Variants in SNX3 observed in about 807,000 individuals in gnomAD.
SNX3 encodes sorting nexin 3, also known as sorting nexin-3.
A neutral mutation model predicts 17.7 loss-of-function variants in SNX3; 5 were observed. That is an observed-to-expected ratio of 0.28 (90% CI 0.15 to 0.59). The LOEUF (loss-of-function observed/expected upper bound fraction) is 0.59, where lower values mean the gene tolerates loss of function less well. Ranked by LOEUF, SNX3 falls within the 20% of genes least tolerant of loss-of-function variation. The probability of loss-of-function intolerance (pLI) is 0.88; values close to 1 mark genes in which losing one functional copy is unlikely to be tolerated. For synonymous variants in SNX3, 91 were observed against 76.5 expected (o/e 1.19, Z -0.99); for missense variants, 132 against 206.8 (o/e 0.64, Z 2.22).
At chr6:108,260,721 C>T in intron 1 of SNX3, 39 bp downstream of exon 1, 2 of 1,611,108 alleles carry the variant, frequency 1.2e-6, no homozygotes, top group Non-Finnish European at 1.7e-6. Context: ...CCAGAGCCAG[C>T]GGGAGGGGTT....
Position 108,260,805 on chromosome 6 carries a change from C to T in SNX3, c.117G>A (p.Val39=). 6.2e-7 allele frequency: 1 copy of T among 1,613,948 alleles called. No homozygotes were observed. Among genetic ancestry groups the T allele is most frequent in the Non-Finnish European group, 8.5e-7 (1 of 1,179,868 alleles). Residue 39 remains valine, a synonymous_variant, in exon 1 of 4, where the codon GTG becomes GTA. Coordinates refer to ENST00000230085, the MANE Select transcript of SNX3 (RefSeq NM_003795.6). ...LEIDVSNPQT[V]GVGRGRFTTY... The stretch of plus-strand genomic sequence containing the variant: ...TGGTGAAGCGGCCCCGGCCGACCCC[C>T]ACCGTTTGCGGGTTGCTCACATCGA...
chr6:108,238,128 A>G (rs893319239), intron 1 of SNX3, among the ~76,000 whole-genome samples: 1 of 151,168 alleles, frequency 6.6e-6, no homozygotes, highest in African/African-American at 2.4e-5. Context: ...AAACAAACAA[A>G]AAAAGAATCA....
chr6:108,234,476 A>C (rs1775263856), intron 1 of SNX3, among the ~76,000 whole-genome samples: 1 of 152,020 alleles, frequency 6.6e-6, no homozygotes, highest in South Asian at 2.1e-4. Flanking sequence ...GCTTGAACCC[A>C]AGAGGCGGAG....
chr6:108,214,385 GA>G (rs906933110), intron 3 of SNX3, 112 bp downstream of exon 3: 1 of 1,003,364 alleles, frequency 1.0e-6, no homozygotes, highest in African/African-American at 1.6e-5. Flanking sequence ...TAAATGATAT[GA>G]AAAGTTAGGA....
At chr6:108,240,200 A>C (rs1251165061) in intron 1 of SNX3, among the ~76,000 whole-genome samples, 1 of 152,156 alleles carries the variant, frequency 6.6e-6, no homozygotes, top group Non-Finnish European at 1.5e-5. Context: ...TGAAGAGCAG[A>C]AGTCTGTGTG....
At chr6:108,227,653 G>C (rs10484901) in intron 1 of SNX3, among the ~76,000 whole-genome samples, 7,885 of 152,126 alleles carry the variant, frequency 0.052, 377 homozygotes, top group Admixed American at 0.15. Flanking sequence ...TTCTCTTTTT[G>C]CATGAGGACT....
chr6:108,219,549 T>C (rs950172502), intron 2 of SNX3, among the ~76,000 whole-genome samples: 5 of 152,170 alleles, frequency 3.3e-5, no homozygotes, highest in African/African-American at 1.2e-4. Flanking sequence ...TGGAGGATAT[T>C]ATAGTATGCT....
At chr6:108,247,358 G>A (rs751791163) in intron 1 of SNX3, among the ~76,000 whole-genome samples, 6 of 151,878 alleles carry the variant, frequency 4.0e-5, no homozygotes, top group Non-Finnish European at 7.4e-5. Context: ...TGATGAAGTG[G>A]TCAATATCTA....
intron 1 of SNX3, among the ~76,000 whole-genome samples, chr6:108,232,521 T>C (rs910025454): frequency 3.9e-5 from 6 of 152,106 alleles, no homozygotes; most frequent in Non-Finnish European, 4.4e-5. Context: ...TTATCACTGA[T>C]AGCCAAGCAG....
rs1366395007 is a variant in SNX3 at position 108,237,405 on chromosome 6, C to A, written c.163-14360G>T. 3.9e-5 allele frequency among the ~76,000 whole-genome samples: 6 copies of A among 152,138 alleles called. No individual in the cohort carries two copies. The East Asian group carries it at 1.2e-3, about 29-fold the overall frequency. ...ATGGTAAGATTTTAAACCATGATAT[C>A]TATAAATATTGATTATGGCAGCTCA... On this transcript the variant is annotated intron_variant, in intron 1 of 3. Coordinates refer to ENST00000230085, the MANE Select transcript of SNX3 (RefSeq NM_003795.6).
chr6:108,239,480 C>A lies in SNX3; in HGVS notation c.163-16435G>T, dbSNP rs115126253. Among the ~76,000 whole-genome samples, 283 of 152,306 alleles carry A rather than the reference C, an allele frequency of 1.9e-3. 2 individuals carry two copies. Among genetic ancestry groups the A allele is most frequent in the African/African-American group, 6.6e-3 (273 of 41,576 alleles). On this transcript the variant is annotated intron_variant, in intron 1 of 3. Coordinates refer to ENST00000230085, the MANE Select transcript of SNX3 (RefSeq NM_003795.6). ...TCTTAAAAGAAAAAGAAAGAAAATA[C>A]TGTCACTTACCTTAATAATTAAGTA...
At chr6:108,227,815 G>GTTT (rs76937863) in intron 1 of SNX3, among the ~76,000 whole-genome samples, 2 of 145,350 alleles carry the variant, frequency 1.4e-5, no homozygotes, top group East Asian at 4.0e-4. Context: ...CAAAATGTGG[G>GTTT]TTTTTTTTTT....
chr6:108,245,121 C>A (rs1775643896), intron 1 of SNX3, among the ~76,000 whole-genome samples: 1 of 151,914 alleles, frequency 6.6e-6, no homozygotes, highest in Non-Finnish European at 1.5e-5. Flanking sequence ...GCCCCCCAAT[C>A]CCCAGCAGGC....
intron 2 of SNX3, among the ~76,000 whole-genome samples, chr6:108,221,219 CTA>C (rs1774759770): frequency 6.6e-6 from 1 of 151,664 alleles, no homozygotes; most frequent in East Asian, 1.9e-4. Flanking sequence ...CCCTTGTGCT[CTA>C]TATGAGAGTG....
chr6:108,246,371 C>G (rs13220640), intron 1 of SNX3, among the ~76,000 whole-genome samples: 47,506 of 130,034 alleles, frequency 0.37, 9,868 homozygotes, highest in East Asian at 0.64. Context: ...GTTGCCCTGG[C>G]TAGACTACAG....
At chr6:108,217,766 A>C (rs1456593745) in intron 2 of SNX3, among the ~76,000 whole-genome samples, 6 of 151,872 alleles carry the variant, frequency 4.0e-5, no homozygotes, top group African/African-American at 1.5e-4. Context: ...AAAAAAAAAA[A>C]TTCTAATACT....
At chr6:108,259,794 A>C (rs1346251531) in intron 1 of SNX3, among the ~76,000 whole-genome samples, 2 of 152,218 alleles carry the variant, frequency 1.3e-5, no homozygotes, top group Admixed American at 1.3e-4. Flanking sequence ...TTTTTCACTT[A>C]AATGTTAATA....
chr6:108,257,237 G>C (rs1415453466), intron 1 of SNX3, among the ~76,000 whole-genome samples: 1 of 152,166 alleles, frequency 6.6e-6, no homozygotes, highest in African/African-American at 2.4e-5. Context: ...AAAATTGCAG[G>C]GCTGGGTGAG....
At chr6:108,230,505 CA>C (rs1458914173) in intron 1 of SNX3, among the ~76,000 whole-genome samples, 1 of 152,078 alleles carries the variant, frequency 6.6e-6, no homozygotes, top group African/African-American at 2.4e-5. Context: ...GGGAGACAAG[CA>C]AAAGTAAAGT....
Sources: gnomAD v4.1 joint callset for allele counts (sites outside exome capture counted in the v4.1 genomes callset) on GRCh38, gnomAD v4.1.1 for gene constraint, MANE v1.5 for transcripts, NCBI Gene and HGNC (gene_info 2026-07-23, HGNC 2026-07-21) for gene names.